SENP2: variants seen among roughly 807,000 people sequenced by gnomAD.
SENP2 encodes the protein sentrin-specific protease 2.
In SENP2, 16 loss-of-function variants were observed where a neutral mutation model predicts 86.3. That is an observed-to-expected ratio of 0.19 (90% CI 0.13 to 0.28). SENP2 has a LOEUF of 0.28. Ranked by LOEUF, SENP2 falls within the 10% of genes least tolerant of loss-of-function variation. The pLI, the probability that SENP2 is intolerant of heterozygous loss-of-function variation, is 1.00. For missense variants in SENP2, 552 were observed against 703.0 expected, an observed-to-expected ratio of 0.79 and a Z score of 2.43; for synonymous variants, 222 against 238.7, an observed-to-expected ratio of 0.93 and a Z score of 0.64.
chr3:185,629,306 C>T (rs1226764628), intron 16 of SENP2, among the ~76,000 whole-genome samples: 2 of 152,064 alleles, frequency 1.3e-5, no homozygotes, highest in Non-Finnish European at 2.9e-5. Flanking sequence ...CCTGTGGTGG[C>T]TTTTGCCTAT....
At chr3:185,607,319 CTTTTTTTTT>C (rs758884593) in intron 6 of SENP2, among the ~76,000 whole-genome samples, 7 of 66,034 alleles carry the variant, frequency 1.1e-4, no homozygotes, top group South Asian at 6.0e-4. Flanking sequence ...AGATTAGATT[CTTTTTTTTT>C]TTTTTTTTTT....
chr3:185,622,171 C>T (rs774633370), intron 14 of SENP2, among the ~76,000 whole-genome samples: 5 of 152,130 alleles, frequency 3.3e-5, no homozygotes, highest in Admixed American at 6.5e-5. Flanking sequence ...GGCATCGATA[C>T]GTTATTCTGA....
intron 5 of SENP2, among the ~76,000 whole-genome samples, chr3:185,603,619 C>T (rs572435178): frequency 3.9e-5 from 6 of 152,230 alleles, no homozygotes; most frequent in African/African-American, 1.2e-4. Context: ...TATTTGAATA[C>T]GGGCTACATA....
At chr3:185,611,546 TA>T in intron 7 of SENP2, 104 bp from the exon 8 acceptor site, 1 of 643,354 alleles carries the variant, frequency 1.6e-6, no homozygotes. Flanking sequence ...TATAATAGTG[TA>T]ATCAATCACC....
chr3:185,630,186 C>A lies in SENP2; in HGVS notation c.*342C>A, dbSNP rs1402032312. 3 of 218,460 alleles carry A rather than the reference C, an allele frequency of 1.4e-5. No individual in the cohort carries two copies. The East Asian group carries it at 2.6e-4, about 19-fold the overall frequency. The allele number at this position is 218,460 out of a possible 1,614,324, so 13.5% of individuals were successfully genotyped here. A position where few individuals can be genotyped will look rare whatever the true frequency, so the allele number is the denominator to read the frequency against. On this transcript the variant is annotated 3_prime_UTR_variant, in exon 17 of 17. Coordinates refer to ENST00000296257, the MANE Select transcript of SENP2 (RefSeq NM_021627.3). ...AATTGTTTGTTTCTGTGTGTTTGTTCAGCGTATTCATTCACTCACTCGTTT... is the reference window on the plus strand; with the variant it reads ...AATTGTTTGTTTCTGTGTGTTTGTTAAGCGTATTCATTCACTCACTCGTTT...
chr3:185,621,386 C>CTTT lies in SENP2; in HGVS notation c.1447-419_1447-417dup, dbSNP rs1220771289. Reference sequence around the variant, plus strand: ...AGTGGATATCGTTTTTCTTTTTTTTCTTTTTTTTTTTTTTTTTTTTTTTGA... The same window carrying CTTT: ...AGTGGATATCGTTTTTCTTTTTTTTCTTTTTTTTTTTTTTTTTTTTTTTTTTGA... On this transcript the variant is annotated intron_variant, in intron 13 of 16. Coordinates refer to ENST00000296257, the MANE Select transcript of SENP2 (RefSeq NM_021627.3). Among the ~76,000 whole-genome samples, 338 of 78,790 alleles carry CTTT rather than the reference C, an allele frequency of 4.3e-3. 1 individual carries two copies. The highest frequency in any genetic ancestry group is 5.4e-3 in the Non-Finnish European group (233 of 43,294). 51.7% of individuals were successfully genotyped at this position (78,790 alleles called of 152,430 possible). A position where few individuals can be genotyped will look rare whatever the true frequency, so the allele number is the denominator to read the frequency against.
At position 185,629,984 on chromosome 3, in the gene SENP2, C is replaced by T. The variant is rs909810700; in HGVS notation, c.*140C>T. ...AGCTGTCAAAAGTGCATGAAGGCCT[C>T]TCACTGTACTCTAGTCCTGACTTGG... On this transcript the variant is annotated 3_prime_UTR_variant, in exon 17 of 17. Coordinates refer to ENST00000296257, the MANE Select transcript of SENP2 (RefSeq NM_021627.3). 1.3e-6 allele frequency: 1 copy of T among 761,374 alleles called. No homozygotes were observed. The highest frequency in any genetic ancestry group is 2.2e-6 in the Non-Finnish European group (1 of 450,414). The allele number at this position is 761,374 out of a possible 1,614,324, so 47.2% of individuals were successfully genotyped here.
intron 10 of SENP2, among the ~76,000 whole-genome samples, chr3:185,613,827 C>CA (rs58192571): frequency 0.05 from 2,351 of 47,302 alleles, 86 homozygotes; most frequent in African/African-American, 0.11. Context: ...GACTCTGTCT[C>CA]AAAAAAAAAA....
In SENP2 at chr3:185,619,566, G is replaced by T. The variant is rs145212545; in HGVS notation, c.1446+64G>T. On this transcript the variant is annotated intron_variant, in intron 13 of 16. Coordinates refer to ENST00000296257, the MANE Select transcript of SENP2 (RefSeq NM_021627.3). ...ATAAAGGCCATTTTTTAAAAATAAT[G>T]CTGCCTTTTTCTGCCCTGTGTATAG... 5.1e-6 allele frequency: 7 copies of T among 1,386,038 alleles called. No homozygotes were observed. The African/African-American group carries it at 8.5e-5, about 17-fold the overall frequency. 85.9% of individuals were successfully genotyped at this position (1,386,038 alleles called of 1,614,324 possible). A position where few individuals can be genotyped will look rare whatever the true frequency, so the allele number is the denominator to read the frequency against.
rs1350416057 is a variant in SENP2, at chr3:185,598,479, G to A, written c.225G>A (p.Gln75=). Reference sequence around the variant, plus strand: ...CCAGCTTATTTGGATTCCCATTCCAGCTGACCACAAAGCCCATGGTAACTT... The same window carrying A: ...CCAGCTTATTTGGATTCCCATTCCAACTGACCACAAAGCCCATGGTAACTT... ...NAASLFGFPF[Q]LTTKPMVTSA... Residue 75 remains glutamine, a synonymous_variant, in exon 3 of 17, where the codon CAG becomes CAA. Transcript: ENST00000296257. The A allele has an allele frequency of 5.6e-6, 9 of 1,614,068 alleles. No individual in the cohort carries two copies. The East Asian group carries it at 2.0e-4, about 36-fold the overall frequency.
chr3:185,624,114 TG>T (rs1290989922), intron 15 of SENP2, 32 bp downstream of exon 15: 1 of 1,475,494 alleles, frequency 6.8e-7, no homozygotes, highest in Non-Finnish European at 9.4e-7. Flanking sequence ...GTGACATACT[TG>T]GTTGCATTTA....
At chr3:185,598,152 A>G (rs181104666) in intron 2 of SENP2, among the ~76,000 whole-genome samples, 5 of 152,192 alleles carry the variant, frequency 3.3e-5, no homozygotes, top group Admixed American at 3.3e-4. Flanking sequence ...AGCTGGGACT[A>G]CAGGCGTGTG....
chr3:185,611,887 TG>T, intron 8 of SENP2, 142 bp downstream of exon 8: 1 of 645,508 alleles, frequency 1.5e-6, no homozygotes, highest in Non-Finnish European at 2.6e-6. Context: ...CCGGGCGCGG[TG>T]GCTTACGCCT....
chr3:185,606,562 A>G (rs1426111431), intron 6 of SENP2, 64 bp downstream of exon 6: 2 of 1,341,466 alleles, frequency 1.5e-6, no homozygotes, highest in Non-Finnish European at 2.0e-6. Flanking sequence ...GATGCTGCCT[A>G]GAGACACTCA....
At position 185,612,461 on chromosome 3, in the gene SENP2, T is replaced by C. The variant is rs911166715; in HGVS notation, c.818-146T>C. The C allele has an allele frequency of 2.5e-5, 15 of 597,604 alleles. No homozygotes were observed. In the South Asian group the frequency reaches 2.8e-4, roughly 11 times the overall value. The allele number at this position is 597,604 out of a possible 1,614,324, so 37.0% of individuals were successfully genotyped here. A position where few individuals can be genotyped will look rare whatever the true frequency, so the allele number is the denominator to read the frequency against. On this transcript the variant is annotated intron_variant, in intron 8 of 16. Coordinates refer to ENST00000296257, the MANE Select transcript of SENP2 (RefSeq NM_021627.3). The stretch of plus-strand genomic sequence containing the variant: ...GCATTTTTTTAGGCAACTTAGTATA[T>C]AGGGAGGCTAGTGTCTTTGGAATTC...
chr3:185,589,467 ATACTGTCCTAAAC>A (rs1369009202), intron 1 of SENP2, among the ~76,000 whole-genome samples: 2 of 152,194 alleles, frequency 1.3e-5, no homozygotes, highest in African/African-American at 2.4e-5. Context: ...GAAAGAGAAA[ATACTGTCCTAAAC>A]TCTTACCTGG....
At position 185,593,979 on chromosome 3, in the gene SENP2, C is replaced by T. The variant is rs947883804; in HGVS notation, c.157+3810C>T. 7.2e-5 allele frequency among the ~76,000 whole-genome samples: 11 copies of T among 152,032 alleles called. 1 individual carries two copies. The highest frequency in any genetic ancestry group is 6.2e-4 in the South Asian group (3 of 4,806). ...CCTGACCTCAAGTGATCGCCCGCCT[C>T]GGCTTCCCAAAGTGTTGGTATTACA... On this transcript the variant is annotated intron_variant, in intron 2 of 16. Coordinates refer to ENST00000296257, the MANE Select transcript of SENP2 (RefSeq NM_021627.3).
Position 185,598,482 on chromosome 3 carries a change from G to A in SENP2, c.228G>A (p.Leu76=). 1 of 1,614,068 alleles carries A rather than the reference G, an allele frequency of 6.2e-7. No homozygotes were observed. The highest frequency in any genetic ancestry group is 8.5e-7 in the Non-Finnish European group (1 of 1,180,008). The change falls in exon 3 of 17, where the codon CTG becomes CTA. Residue 76 remains leucine, a synonymous_variant. Coordinates refer to ENST00000296257, the MANE Select transcript of SENP2 (RefSeq NM_021627.3). ...GCTTATTTGGATTCCCATTCCAGCT[G>A]ACCACAAAGCCCATGGTAACTTCTG... ...AASLFGFPFQ[L]TTKPMVTSAC...
At chr3:185,612,684 CT>C in intron 9 of SENP2, 26 bp downstream of exon 9, 1 of 1,515,844 alleles carries the variant, frequency 6.6e-7, no homozygotes, top group South Asian at 1.1e-5. Context: ...TCATTCTACA[CT>C]TTCTTTTAAT....
Sources: gnomAD v4.1 joint callset for allele counts (sites outside exome capture counted in the v4.1 genomes callset) on GRCh38, gnomAD v4.1.1 for gene constraint, MANE v1.5 for transcripts, NCBI Gene and HGNC (gene_info 2026-07-23, HGNC 2026-07-21) for gene names.